The following RYR1 variants were observed in gnomAD, a reference collection of about 807,000 sequenced individuals.
RYR1 encodes the protein ryanodine receptor 1.
Under a neutral mutation model 583.5 loss-of-function variants are expected in RYR1, and 342 were observed. The observed-to-expected ratio is 0.59, with a 90% CI of 0.54 to 0.64. The LOEUF is 0.64. RYR1 is among the 30% of genes least tolerant of loss of function. The pLI is 0.00. For synonymous variants in RYR1, 2,791 were observed against 2,822.5 expected, an observed-to-expected ratio of 0.99 and a Z score of 0.35; for missense variants, 6,032 against 6,917.2, an observed-to-expected ratio of 0.87 and a Z score of 4.54.
At chr19:38,530,509 A>G (rs544736763) in intron 76 of RYR1, among the ~76,000 whole-genome samples, 8 of 150,450 alleles carry the variant, frequency 5.3e-5, no homozygotes, top group South Asian at 4.2e-4. Context: ...AACTCAAGCA[A>G]TCCTCCCCAC....
chr19:38,569,007 C>T (rs1599643301), intron 93 of RYR1, among the ~76,000 whole-genome samples: 1 of 151,174 alleles, frequency 6.6e-6, no homozygotes, highest in Non-Finnish European at 1.5e-5. Context: ...CCTGTCTCTA[C>T]AAAAGAATTT....
intron 73 of RYR1, 106 bp downstream of exon 73, chr19:38,527,890 G>GGGGCA (rs1432121731): frequency 1.4e-6 from 2 of 1,389,862 alleles, no homozygotes; most frequent in Middle Eastern, 2.5e-4. Flanking sequence ...ATTAAGTTTT[G>GGGGCA]GGGCAGGGCA....
In RYR1 at chr19:38,444,513, TG is replaced by T; in HGVS notation, c.538-69del. ...TTTCCGGGTATCCACCCTTGATTTC[TG>T]GCCTCTGACGCTGGGACTCTCGCCC... On this transcript the variant is annotated intron_variant, in intron 6 of 105. Transcript: ENST00000359596. The surrounding 1 kb of genome is among the most constrained non-coding windows in gnomAD (Gnocchi z 5.1). 7.5e-7 allele frequency: 1 copy of T among 1,337,698 alleles called. No individual in the cohort carries two copies. Among genetic ancestry groups the T allele is most frequent in the Non-Finnish European group, 1.1e-6 (1 of 944,898 alleles). The allele number at this position is 1,337,698 out of a possible 1,614,324, so 82.9% of individuals were successfully genotyped here.
At chr19:38,523,847 T>G in intron 69 of RYR1, 68 bp from the exon 70 acceptor site, 1 of 1,610,096 alleles carries the variant, frequency 6.2e-7, no homozygotes. Flanking sequence ...CAACTTGGAG[T>G]TGGGCCTGGG....
At chr19:38,476,677 A>G (rs765339486) in intron 29 of RYR1, among the ~76,000 whole-genome samples, 7 of 152,160 alleles carry the variant, frequency 4.6e-5, no homozygotes, top group Non-Finnish European at 7.4e-5. Context: ...CTTGGATCCC[A>G]GTACCAGCCC....
intron 96 of RYR1, among the ~76,000 whole-genome samples, chr19:38,575,039 CAA>C (rs35261562): frequency 0.013 from 1,150 of 90,374 alleles, 19 homozygotes; most frequent in African/African-American, 0.04. Flanking sequence ...GACTCCGTCT[CAA>C]AAAAAAAAAA....
Position 38,466,139 on chromosome 19 carries a change from C to T in RYR1, c.2919C>T (p.His973=), listed in dbSNP as rs139363830. Residue 973 remains histidine, a synonymous_variant, in exon 24 of 106, where the codon CAC becomes CAT. Coordinates refer to ENST00000359596, the MANE Select transcript of RYR1 (RefSeq NM_000540.3). The part of the protein sequence containing the change: ...GYKPAPLDLS[H]VRLTPAQTTL... ...AGCCGGCTCCGCTGGACCTGAGCCA[C>T]GTGCGGCTGACGCCGGCGCAGACGA... The T allele has an allele frequency of 1.7e-3, 2,765 of 1,613,302 alleles. 14 individuals carry two copies. The highest frequency in any genetic ancestry group is 3.9e-3 in the South Asian group (359 of 90,976).
intron 59 of RYR1, 35 bp from the exon 60 acceptor site, chr19:38,510,625 C>T (rs1340343286): frequency 6.2e-7 from 1 of 1,614,018 alleles, no homozygotes; most frequent in Non-Finnish European, 8.5e-7. Context: ...CCCCACCCCT[C>T]ATTGGACCCT....
intron 7 of RYR1, among the ~76,000 whole-genome samples, chr19:38,445,978 C>T (rs544045227): frequency 1.3e-5 from 2 of 152,270 alleles, no homozygotes; most frequent in Admixed American, 1.3e-4. Flanking sequence ...CAGAGCAAAA[C>T]TCTGTCTTAA....
intron 29 of RYR1, 51 bp from the exon 30 acceptor site, chr19:38,477,659 C>T (rs745816187): frequency 8.7e-6 from 14 of 1,613,058 alleles, no homozygotes; most frequent in East Asian, 4.5e-5. Flanking sequence ...CCAGGGAGCC[C>T]GAGTCCCTGA....
intron 58 of RYR1, 65 bp downstream of exon 58, chr19:38,507,892 TCACCTAGGA>T: frequency 1.0e-6 from 1 of 967,454 alleles, no homozygotes; most frequent in Non-Finnish European, 1.7e-6. Context: ...CAGACCAGAC[TCACCTAGGA>T]CACCTGTTCA....
chr19:38,458,000 C>T (rs753484545), intron 17 of RYR1, 51 bp from the exon 18 acceptor site: 7 of 1,600,886 alleles, frequency 4.4e-6, no homozygotes, highest in Admixed American at 1.7e-5. Context: ...CCACTTGGCT[C>T]TCCTCTCTGC....
chr19:38,436,752 C>T (rs552998293), intron 1 of RYR1, among the ~76,000 whole-genome samples: 1 of 152,282 alleles, frequency 6.6e-6, no homozygotes, highest in South Asian at 2.1e-4. Context: ...TAGATGGCCC[C>T]TGAAGCATGA....
In RYR1 at chr19:38,441,737, T is replaced by TG. The variant is rs374583989; in HGVS notation, c.166-605dup. Among the ~76,000 whole-genome samples the TG allele has an allele frequency of 3.4e-3, 330 of 96,424 alleles. 2 individuals are homozygous for TG. The highest frequency in any genetic ancestry group is 0.011 in the African/African-American group (293 of 26,230). 63.3% of individuals were successfully genotyped at this position (96,424 alleles called of 152,430 possible). A position where few individuals can be genotyped will look rare whatever the true frequency, so the allele number is the denominator to read the frequency against. On this transcript the variant is annotated intron_variant, in intron 2 of 105. Coordinates refer to ENST00000359596, the MANE Select transcript of RYR1 (RefSeq NM_000540.3). ...GCAGACCAGGGGATGTGGAATCTGA[T>TG]GGGGGGGAAGTTTCAGAGTCTGAGC... is the stretch of plus-strand genomic sequence containing the variant.
At position 38,499,881 on chromosome 19, in the gene RYR1, TC is replaced by T. The variant is rs1312453329; in HGVS notation, c.7215-23del. ...CCGCCCTCCCTGGCCCCTGGCTGCC[TC>T]CCCAACCCACCCACCTTCCCTGCAG... is the stretch of plus-strand genomic sequence containing the variant. On this transcript the variant is annotated intron_variant, in intron 44 of 105. Coordinates refer to ENST00000359596, the MANE Select transcript of RYR1 (RefSeq NM_000540.3). This position sits in a 1 kb window ranked among gnomAD's most constrained non-coding sequence, Gnocchi z 7.3. 7.1e-7 allele frequency: 1 copy of T among 1,408,358 alleles called. No individual in the cohort carries two copies. The highest frequency in any genetic ancestry group is 9.9e-7 in the Non-Finnish European group (1 of 1,008,400). 87.2% of individuals were successfully genotyped at this position (1,408,358 alleles called of 1,614,324 possible).
At position 38,460,389 on chromosome 19, in the gene RYR1, TTGGTGGCCGCCA is replaced by T; in HGVS notation, c.2381_2392del (p.Gly794_Gly797del). On this transcript the variant is annotated inframe_deletion, in exon 20 of 106. Coordinates refer to ENST00000359596, the MANE Select transcript of RYR1 (RefSeq NM_000540.3). The stretch of plus-strand genomic sequence containing the variant: ...TCCTTACCCAGGGTGCGGTTCCTCC[TTGGTGGCCGCCA>T]TGGTGAATTCAAGTTCCTGCCCCCA... The T allele has an allele frequency of 6.2e-7, 1 of 1,614,138 alleles. No homozygotes were observed. The highest frequency in any genetic ancestry group is 8.5e-7 in the Non-Finnish European group (1 of 1,180,004).
intron 7 of RYR1, among the ~76,000 whole-genome samples, chr19:38,445,363 C>T (rs1972891324): frequency 6.6e-6 from 1 of 151,868 alleles, no homozygotes; most frequent in Non-Finnish European, 1.5e-5. Context: ...CCTCCAACCT[C>T]AGACTTCCAA....
At chr19:38,468,327 AC>A (rs1187715139) in intron 25 of RYR1, among the ~76,000 whole-genome samples, 1 of 148,920 alleles carries the variant, frequency 6.7e-6, no homozygotes, top group Non-Finnish European at 1.5e-5. Context: ...CATCCAACCA[AC>A]CATCCATCCA....
At chr19:38,554,979 TATG>T in intron 89 of RYR1, among the ~76,000 whole-genome samples, 1 of 152,316 alleles carries the variant, frequency 6.6e-6, no homozygotes, top group African/African-American at 2.4e-5. Flanking sequence ...TTCACAGAAT[TATG>T]AAGCCATCCC....
Sources: gnomAD v4.1 joint callset for allele counts (sites outside exome capture counted in the v4.1 genomes callset) on GRCh38, gnomAD v4.1.1 for gene constraint, Gnocchi (gnomAD v3.1) non-coding constraint, MANE v1.5 for transcripts, NCBI Gene and HGNC (gene_info 2026-07-23, HGNC 2026-07-21) for gene names.